Variants in LARGE1 observed in about 807,000 individuals in gnomAD.
LARGE1 encodes the protein xylosyl- and glucuronyltransferase LARGE1.
Under a neutral mutation model 87.6 loss-of-function variants are expected in LARGE1, and 43 were observed. That is an observed-to-expected ratio of 0.49 (90% CI 0.38 to 0.63). LARGE1 has a LOEUF of 0.63. Ranked by LOEUF, LARGE1 falls within the 30% of genes least tolerant of loss-of-function variation. LARGE1 has a pLI of 0.00. For synonymous variants in LARGE1, 434 were observed against 394.6 expected (o/e 1.10, Z -1.18); for missense variants, 802 against 1,000.2 (o/e 0.80, Z 2.67).
chr22:33,200,217 A>G (rs1400486383), intron 11 of LARGE1, among the ~76,000 whole-genome samples: 6 of 152,204 alleles, frequency 3.9e-5, no homozygotes, highest in Non-Finnish European at 8.8e-5. Context: ...GTAAACTTTC[A>G]TTCCAGCAGG....
chr22:33,711,530 A>G lies in LARGE1; in HGVS notation c.106+49841T>C, dbSNP rs186885596. 6.9e-4 allele frequency among the ~76,000 whole-genome samples: 105 copies of G among 152,348 alleles called. 1 individual carries two copies. The highest frequency in any genetic ancestry group is 3.4e-3 in the Middle Eastern group (1 of 294). On this transcript the variant is annotated intron_variant, in intron 2 of 14. Transcript: ENST00000397394. ...AGCTGCCCACAGCTGACCGATACAT[A>G]GGATGCTGTACAGGAAAACTGCCTG...
chr22:33,852,406 T>C (rs2063614386), intron 1 of LARGE1, among the ~76,000 whole-genome samples: 1 of 152,176 alleles, frequency 6.6e-6, no homozygotes, highest in Admixed American at 6.5e-5. Context: ...GAGCATCCCT[T>C]CATGGCTTCA....
intron 6 of LARGE1, among the ~76,000 whole-genome samples, chr22:33,462,257 A>C (rs2068411821): frequency 6.6e-6 from 1 of 152,192 alleles, no homozygotes; most frequent in Non-Finnish European, 1.5e-5. Context: ...GCTGAGAGAA[A>C]ATAAGTGTCA....
chr22:33,066,983 G>A, the LARGE1 span, among the ~76,000 whole-genome samples: 1 of 152,032 alleles, frequency 6.6e-6, no homozygotes, highest in Non-Finnish European at 1.5e-5. Flanking sequence ...GGCATGAGAG[G>A]AGGACCAGCT....
intron 7 of LARGE1, among the ~76,000 whole-genome samples, chr22:33,386,745 A>G (rs2065337932): frequency 6.7e-6 from 1 of 149,054 alleles, no homozygotes; most frequent in Non-Finnish European, 1.5e-5. Context: ...CAAAGTTACA[A>G]ACCAAGAGAA....
At chr22:33,782,991 A>G (rs2085475308) in intron 1 of LARGE1, among the ~76,000 whole-genome samples, 1 of 151,790 alleles carries the variant, frequency 6.6e-6, no homozygotes, top group African/African-American at 2.4e-5. Flanking sequence ...GCCATACACT[A>G]CAGTGCTTCG....
intron 10 of LARGE1, among the ~76,000 whole-genome samples, chr22:33,322,141 C>A (rs1936786632): frequency 6.6e-6 from 1 of 152,074 alleles, no homozygotes; most frequent in Non-Finnish European, 1.5e-5. Context: ...TATATGCACA[C>A]ACAGGTACAT....
At chr22:33,701,983 G>C (rs2082415948) in intron 2 of LARGE1, among the ~76,000 whole-genome samples, 1 of 152,172 alleles carries the variant, frequency 6.6e-6, no homozygotes, top group African/African-American at 2.4e-5. Context: ...TAGTTCATTA[G>C]TGTGAGTGTT....
rs545496820 is a variant in LARGE1 at position 33,558,109 on chromosome 22, A to G, written c.787+6739T>C. Among the ~76,000 whole-genome samples the G allele has an allele frequency of 2.2e-4, 34 of 152,232 alleles. 1 individual carries two copies. The highest frequency in any genetic ancestry group is 2.2e-3 in the Admixed American group (34 of 15,288). On this transcript the variant is annotated intron_variant, in intron 6 of 14. Transcript: ENST00000397394. ...CTTCCCCGGGGCAAAACAGTCTCTCAAGTTTAGGAACTGTCAGGAGTGAAT... is the reference window on the plus strand; with the variant it reads ...CTTCCCCGGGGCAAAACAGTCTCTCGAGTTTAGGAACTGTCAGGAGTGAAT...
chr22:33,562,878 T>C (rs2077902864), intron 6 of LARGE1: 1 of 152,372 alleles, frequency 6.6e-6, no homozygotes, highest in Non-Finnish European at 1.5e-5. Flanking sequence ...ATGCTGTGGG[T>C]TGAGTTTCTT....
At chr22:33,136,942 A>AAAAAT in the LARGE1 span, among the ~76,000 whole-genome samples, 14 of 152,120 alleles carry the variant, frequency 9.2e-5, no homozygotes, top group African/African-American at 3.1e-4. Context: ...GGTAAAAAAA[A>AAAAAT]AAATAAACTG....
At chr22:33,795,693 C>T (rs899080760) in intron 1 of LARGE1, among the ~76,000 whole-genome samples, 20 of 152,002 alleles carry the variant, frequency 1.3e-4, no homozygotes, top group Admixed American at 2.0e-4. Context: ...AAAAAGGATG[C>T]GTTCAGGGAC....
At chr22:33,768,413 A>G (rs1370716394) in intron 1 of LARGE1, among the ~76,000 whole-genome samples, 1 of 148,546 alleles carries the variant, frequency 6.7e-6, no homozygotes, top group Non-Finnish European at 1.5e-5. Flanking sequence ...ACCTTTACCC[A>G]AGCCACAATC....
chr22:33,159,988 T>A (rs554509179), downstream of LARGE1, among the ~76,000 whole-genome samples: 2 of 151,800 alleles, frequency 1.3e-5, no homozygotes, highest in African/African-American at 4.8e-5. Flanking sequence ...CTTATGCACT[T>A]AGCATTTGCA....
intron 1 of LARGE1, among the ~76,000 whole-genome samples, chr22:33,826,094 G>A (rs1220369299): frequency 6.6e-6 from 1 of 152,126 alleles, no homozygotes; most frequent in Non-Finnish European, 1.5e-5. Context: ...TTCCACGTCT[G>A]CTATAGCACA....
intron 1 of LARGE1, among the ~76,000 whole-genome samples, chr22:33,783,710 A>G (rs1309656933): frequency 6.6e-6 from 1 of 152,186 alleles, no homozygotes; most frequent in African/African-American, 2.4e-5. Context: ...GGCCTACTAC[A>G]TATGAGAAAT....
chr22:33,299,812 AC>A (rs1271587648), intron 12 of LARGE1, among the ~76,000 whole-genome samples: 1 of 152,212 alleles, frequency 6.6e-6, no homozygotes, highest in Non-Finnish European at 1.5e-5. Flanking sequence ...TGCCCCGCTG[AC>A]TTTCGCCTGA....
chr22:33,152,645 G>A, the LARGE1 span, among the ~76,000 whole-genome samples: 1 of 152,034 alleles, frequency 6.6e-6, no homozygotes, highest in Non-Finnish European at 1.5e-5. Flanking sequence ...TGGGGTACAT[G>A]AGATATTTTG....
intron 1 of LARGE1, among the ~76,000 whole-genome samples, chr22:33,809,875 T>C (rs1316799529): frequency 2.0e-5 from 3 of 151,926 alleles, no homozygotes; most frequent in Non-Finnish European, 4.4e-5. Context: ...AACCAGAAGC[T>C]TGTGTTAAAA....
Sources: gnomAD v4.1 joint callset for allele counts (sites outside exome capture counted in the v4.1 genomes callset) on GRCh38, gnomAD v4.1.1 for gene constraint, MANE v1.5 for transcripts, NCBI Gene and HGNC (gene_info 2026-07-23, HGNC 2026-07-21) for gene names.